POLR1C: variants seen among roughly 807,000 people sequenced by gnomAD.
POLR1C encodes RNA polymerase I and III subunit C, also known as DNA-directed RNA polymerases I and III subunit RPAC1.
Under a neutral mutation model 38.3 loss-of-function variants are expected in POLR1C, and 42 were observed. That is an observed-to-expected ratio of 1.10 (90% CI 0.86 to 1.42). The LOEUF (loss-of-function observed/expected upper bound fraction) is 1.42. Among genes scored for constraint, POLR1C ranks in the 40% most tolerant of loss-of-function variants. The pLI is 0.00. For synonymous variants in POLR1C, 163 were observed against 163.9 expected (o/e 0.99, Z 0.04); for missense variants, 507 against 450.5 (o/e 1.13, Z -1.14).
intron 8 of POLR1C, chr6:43,527,806 GACTC>G: frequency 6.8e-7 from 1 of 1,478,650 alleles, no homozygotes; most frequent in Non-Finnish European, 9.4e-7. Flanking sequence ...ACCCTAATCA[GACTC>G]TCTCTGACCA....
intron 10 of POLR1C, among the ~76,000 whole-genome samples, chr6:43,552,244 G>A (rs888266947): frequency 1.1e-4 from 16 of 152,028 alleles, no homozygotes; most frequent in Admixed American, 3.3e-4. Flanking sequence ...TTTTAGTAGA[G>A]ACAGGGTTTC....
chr6:43,528,282 T>C, intron 8 of POLR1C: 1 of 1,437,534 alleles, frequency 7.0e-7, no homozygotes. Flanking sequence ...TCAAGTCCAC[T>C]TCATGATTAA....
chr6:43,527,528 C>A, intron 8 of POLR1C: 1 of 1,171,204 alleles, frequency 8.5e-7, no homozygotes, highest in Admixed American at 2.0e-5. Flanking sequence ...ATGCCCGCCG[C>A]AAACATGAAT....
chr6:43,555,222 G>C (rs567620949), intron 10 of POLR1C: 1 of 152,270 alleles, frequency 6.6e-6, no homozygotes, highest in Non-Finnish European at 1.5e-5. Flanking sequence ...GATTACAAGC[G>C]TGAGTCACTG....
At chr6:43,560,673 G>A (rs925640585) in intron 10 of POLR1C, among the ~76,000 whole-genome samples, 9 of 152,142 alleles carry the variant, frequency 5.9e-5, no homozygotes, top group Non-Finnish European at 1.3e-4. Context: ...TAAACCACCT[G>A]GGACACACCT....
At chr6:43,547,295 G>A in intron 9 of POLR1C, 2 of 432,372 alleles carry the variant, frequency 4.6e-6, no homozygotes, top group Non-Finnish European at 4.3e-6. Flanking sequence ...ATGCCAGAGA[G>A]CAATGGCAGG....
chr6:43,523,597 T>C (rs55671916), downstream of POLR1C: 33,446 of 659,036 alleles, frequency 0.051, 1,059 homozygotes, highest in Non-Finnish European at 0.066. Flanking sequence ...GCTCTAGCTT[T>C]TCTTGGAAAA....
chr6:43,517,460 G>T, intron 2 of POLR1C, 83 bp downstream of exon 2: 1 of 1,174,468 alleles, frequency 8.5e-7, no homozygotes, highest in Non-Finnish European at 1.3e-6. Context: ...CTCAGAAGCT[G>T]CTCTTGGGGG....
chr6:43,558,192 A>T (rs1406050772), intron 10 of POLR1C, among the ~76,000 whole-genome samples: 2 of 152,216 alleles, frequency 1.3e-5, no homozygotes, highest in African/African-American at 4.8e-5. Context: ...TTTGGGGGAA[A>T]GAAATAACCA....
chr6:43,535,358 G>C (rs961837495), intron 9 of POLR1C, among the ~76,000 whole-genome samples: 3 of 152,078 alleles, frequency 2.0e-5, no homozygotes, highest in South Asian at 2.1e-4. Context: ...GGGAGGCCGA[G>C]GTGGGTGGAT....
chr6:43,526,561 A>C, intron 8 of POLR1C: 1 of 1,087,530 alleles, frequency 9.2e-7, no homozygotes, highest in Non-Finnish European at 1.4e-6. Context: ...GGGCTGGTCC[A>C]GAGATGATAA....
intron 10 of POLR1C, among the ~76,000 whole-genome samples, chr6:43,551,625 A>G (rs1201881772): frequency 6.6e-6 from 1 of 152,192 alleles, no homozygotes; most frequent in East Asian, 1.9e-4. Context: ...CTTGAGCTCA[A>G]GGGATCCTCC....
chr6:43,554,039 G>C (rs921969766), intron 10 of POLR1C, among the ~76,000 whole-genome samples: 4 of 152,194 alleles, frequency 2.6e-5, no homozygotes, highest in African/African-American at 9.7e-5. Context: ...CATCCTTCAA[G>C]TTTACAACTA....
chr6:43,519,283 T>G lies in POLR1C; in HGVS notation c.142-50T>G, dbSNP rs371671765. The stretch of plus-strand genomic sequence containing the variant: ...TATCTAAGGGGGAGGTATGAAGAGA[T>G]ATTACACAGAGAGCAGATTTCACTT... On this transcript the variant is annotated intron_variant, in intron 2 of 8. Transcript: ENST00000642195. The G allele has an allele frequency of 8.5e-5, 95 of 1,111,970 alleles. No homozygotes were observed. In the African/African-American group the frequency reaches 1.1e-3, roughly 12 times the overall value. The allele number at this position is 1,111,970 out of a possible 1,614,324, so 68.9% of individuals were successfully genotyped here.
intron 10 of POLR1C, chr6:43,553,325 A>T (rs760683829): frequency 6.4e-7 from 1 of 1,568,370 alleles, no homozygotes. Flanking sequence ...AAAAGAAAAG[A>T]AAAAGGTCAA....
downstream of POLR1C, chr6:43,524,968 C>G: frequency 6.2e-7 from 1 of 1,612,844 alleles, no homozygotes; most frequent in Admixed American, 1.7e-5. Flanking sequence ...CCTGACAGCA[C>G]CTGGGGAGAC....
chr6:43,544,468 T>G (rs566387718), intron 9 of POLR1C, among the ~76,000 whole-genome samples: 53 of 152,368 alleles, frequency 3.5e-4, no homozygotes, highest in Non-Finnish European at 6.3e-4. Context: ...TGTTGTCTTG[T>G]GGCCTCTAGA....
intron 10 of POLR1C, among the ~76,000 whole-genome samples, chr6:43,554,182 C>T (rs908871904): frequency 2.6e-5 from 4 of 152,184 alleles, no homozygotes; most frequent in Admixed American, 2.6e-4. Context: ...TCTCGGCTCA[C>T]TGCAACATTA....
Position 43,517,089 on chromosome 6 carries a change from A to C in POLR1C, c.-21A>C, listed in dbSNP as rs190872536. Reference sequence around the variant, plus strand: ...GACGCACGCGCGAGATAGAACCTCTAGTCTCGTGGAGAGATTGAAGATGGC... The same window carrying C: ...GACGCACGCGCGAGATAGAACCTCTCGTCTCGTGGAGAGATTGAAGATGGC... On this transcript the variant is annotated 5_prime_UTR_variant, in exon 1 of 9. Coordinates refer to ENST00000642195, the MANE Select transcript of POLR1C (RefSeq NM_203290.4). The C allele has an allele frequency of 1.3e-5, 21 of 1,610,480 alleles. No individual in the cohort carries two copies. Among genetic ancestry groups the C allele is most frequent in the Non-Finnish European group, 1.8e-5 (21 of 1,176,612 alleles).
Sources: allele counts gnomAD v4.1 joint callset (sites outside exome capture counted in the v4.1 genomes callset), GRCh38; gene constraint gnomAD v4.1.1; transcripts MANE v1.5; gene names NCBI Gene and HGNC (gene_info 2026-07-23, HGNC 2026-07-21).